Variants in GRM1 observed in about 807,000 individuals in gnomAD.
The protein encoded by GRM1 is glutamate metabotropic receptor 1.
In GRM1, 33 loss-of-function variants were observed where a neutral mutation model predicts 90.9. That is an observed-to-expected ratio of 0.36 (90% CI 0.28 to 0.49). The LOEUF (loss-of-function observed/expected upper bound fraction) is 0.49, where lower values mean the gene tolerates loss of function less well. Among genes scored for constraint, GRM1 ranks in the 20% least tolerant of loss-of-function variants. The pLI is 0.99. For synonymous variants in GRM1, 700 were observed against 613.2 expected (o/e 1.14, Z -2.09); for missense variants, 1,190 against 1,534.3 (o/e 0.78, Z 3.75).
intron 2 of GRM1, among the ~76,000 whole-genome samples, chr6:146,168,701 G>A (rs749650800): frequency 9.2e-5 from 14 of 151,872 alleles, no homozygotes; most frequent in Non-Finnish European, 1.9e-4. Flanking sequence ...TTGTCTTAAT[G>A]AAAGAAAAAT....
chr6:146,184,432 GT>G (rs767046585), intron 2 of GRM1, among the ~76,000 whole-genome samples: 3 of 150,600 alleles, frequency 2.0e-5, no homozygotes, highest in Non-Finnish European at 3.0e-5. Flanking sequence ...AGTTTTTTCT[GT>G]TTTTTTTTAA....
intron 1 of GRM1, among the ~76,000 whole-genome samples, chr6:146,121,784 G>A (rs1175111437): frequency 2.0e-5 from 3 of 152,222 alleles, no homozygotes; most frequent in Admixed American, 2.0e-4. Context: ...TGATTGCACT[G>A]TGGTCTGAGA....
At chr6:146,420,656 C>A (rs977327913) in intron 7 of GRM1, among the ~76,000 whole-genome samples, 1 of 152,126 alleles carries the variant, frequency 6.6e-6, no homozygotes, top group Non-Finnish European at 1.5e-5. Context: ...CCTAGGGAAA[C>A]AGACAATAGA....
chr6:146,314,734 A>AT (rs199546947), intron 3 of GRM1, among the ~76,000 whole-genome samples: 47 of 149,426 alleles, frequency 3.1e-4, no homozygotes, highest in African/African-American at 5.1e-4. Context: ...CCATCATTCC[A>AT]TTTTTTTTTT....
chr6:146,379,576 G>A (rs894554878), intron 5 of GRM1, among the ~76,000 whole-genome samples: 53 of 152,064 alleles, frequency 3.5e-4, no homozygotes, highest in African/African-American at 1.3e-3. Context: ...ATTGGTTTCC[G>A]GTGTCTTATT....
chr6:146,288,596 C>T (rs1782851288), intron 2 of GRM1, among the ~76,000 whole-genome samples: 1 of 152,074 alleles, frequency 6.6e-6, no homozygotes, highest in Non-Finnish European at 1.5e-5. Context: ...ACCTCCGCCT[C>T]CTGGGTTCAA....
intron 2 of GRM1, among the ~76,000 whole-genome samples, chr6:146,290,777 A>G (rs2114883579): frequency 6.6e-6 from 1 of 152,210 alleles, no homozygotes; most frequent in East Asian, 1.9e-4. Flanking sequence ...ATCATGTTTC[A>G]CTCATACCTG....
chr6:146,104,516 C>T (rs1394534428), intron 1 of GRM1, among the ~76,000 whole-genome samples: 2 of 151,800 alleles, frequency 1.3e-5, no homozygotes, highest in East Asian at 3.9e-4. Context: ...ACGAAAGATA[C>T]CTAAAGAAGA....
chr6:146,301,953 G>C (rs1056483723), intron 2 of GRM1, among the ~76,000 whole-genome samples: 3 of 152,022 alleles, frequency 2.0e-5, no homozygotes, highest in African/African-American at 7.2e-5. Context: ...AGGGAGGAGA[G>C]CAGAATGACC....
intron 2 of GRM1, among the ~76,000 whole-genome samples, chr6:146,239,467 G>A (rs946833712): frequency 6.6e-6 from 1 of 152,032 alleles, no homozygotes; most frequent in South Asian, 2.1e-4. Flanking sequence ...GTTCCTTGCG[G>A]GCAAGTATTG....
chr6:146,400,838 C>T (rs1222741613), intron 7 of GRM1, among the ~76,000 whole-genome samples: 3 of 152,022 alleles, frequency 2.0e-5, no homozygotes, highest in African/African-American at 7.2e-5. Flanking sequence ...TCCATCTGAA[C>T]CTGTCAGCAG....
At chr6:146,094,049 T>C (rs1163051124) in intron 1 of GRM1, among the ~76,000 whole-genome samples, 5 of 152,104 alleles carry the variant, frequency 3.3e-5, no homozygotes, top group Admixed American at 1.3e-4. Context: ...ATAGTGCTTA[T>C]AAAAACAACC....
At chr6:146,280,012 T>A (rs1277650218) in intron 2 of GRM1, among the ~76,000 whole-genome samples, 2 of 152,200 alleles carry the variant, frequency 1.3e-5, no homozygotes, top group Non-Finnish European at 2.9e-5. Context: ...TTTATTGAAC[T>A]TCTTGGATGT....
intron 2 of GRM1, among the ~76,000 whole-genome samples, chr6:146,212,986 G>A (rs1779731483): frequency 6.6e-6 from 1 of 151,918 alleles, no homozygotes; most frequent in African/African-American, 2.4e-5. Context: ...AACCACAAAG[G>A]CAAAGGAAAC....
intron 2 of GRM1, among the ~76,000 whole-genome samples, chr6:146,290,097 A>C (rs574332068): frequency 2.0e-5 from 3 of 152,290 alleles, no homozygotes; most frequent in African/African-American, 7.2e-5. Context: ...GGAAAACATG[A>C]TCTGTAGGGA....
At chr6:146,099,717 A>G (rs897285393) in intron 1 of GRM1, among the ~76,000 whole-genome samples, 7 of 152,152 alleles carry the variant, frequency 4.6e-5, no homozygotes, top group African/African-American at 1.4e-4. Context: ...ATGCTGTTGT[A>G]TGTGACTTTA....
intron 7 of GRM1, among the ~76,000 whole-genome samples, chr6:146,431,578 C>T (rs1778407696): frequency 1.3e-5 from 2 of 150,264 alleles, no homozygotes; most frequent in African/African-American, 2.5e-5. Flanking sequence ...CTCAAGGGAC[C>T]TGTTTGTTGT....
In GRM1 at chr6:146,255,022, G is replaced by T. The variant is rs540867315; in HGVS notation, c.951-49589G>T. Among the ~76,000 whole-genome samples the T allele has an allele frequency of 1.4e-3, 209 of 152,258 alleles. 1 individual carries two copies. Among genetic ancestry groups the T allele is most frequent in the Non-Finnish European group, 2.5e-3 (168 of 68,006 alleles). On this transcript the variant is annotated intron_variant, in intron 2 of 7. Transcript: ENST00000282753. ...TATAAATAAAAACGGTATGAATAAA[G>T]AAATAGTAAAATGAAGAATGTGAGA...
chr6:146,361,784 A>G (rs748949672), intron 5 of GRM1, among the ~76,000 whole-genome samples: 1 of 152,254 alleles, frequency 6.6e-6, no homozygotes, highest in Non-Finnish European at 1.5e-5. Context: ...AGCTGTTATC[A>G]TCCCACGGAC....
Sources: allele counts gnomAD v4.1 joint callset (sites outside exome capture counted in the v4.1 genomes callset), GRCh38; gene constraint gnomAD v4.1.1; transcripts MANE v1.5; gene names NCBI Gene and HGNC (gene_info 2026-07-23, HGNC 2026-07-21).